The following LRBA variants were observed in gnomAD, a reference collection of about 807,000 sequenced individuals.
LRBA encodes LPS responsive beige-like anchor protein.
In LRBA, 176 loss-of-function variants were observed where a neutral mutation model predicts 330.0. The observed-to-expected ratio is 0.53, with a 90% CI of 0.47 to 0.60. The LOEUF is 0.60. Among genes scored for constraint, LRBA ranks in the 20% least tolerant of loss-of-function variants. The pLI is 0.00. For missense variants in LRBA, 3,259 were observed against 3,444.8 expected, an observed-to-expected ratio of 0.95 and a Z score of 1.35; for synonymous variants, 1,230 against 1,193.0, an observed-to-expected ratio of 1.03 and a Z score of -0.64.
chr4:150,399,409 T>C (rs1745173278), intron 47 of LRBA, among the ~76,000 whole-genome samples: 1 of 152,200 alleles, frequency 6.6e-6, no homozygotes, highest in Admixed American at 6.5e-5. Flanking sequence ...TCTCTTCTGA[T>C]ACTTTTTGAA....
chr4:150,861,069 A>G (rs1323135721), intron 22 of LRBA, among the ~76,000 whole-genome samples: 1 of 152,078 alleles, frequency 6.6e-6, no homozygotes, highest in Non-Finnish European at 1.5e-5. Flanking sequence ...CAATATATGT[A>G]TTTGTGTTAT....
At chr4:150,715,196 T>C (rs954891999) in intron 36 of LRBA, among the ~76,000 whole-genome samples, 5 of 152,160 alleles carry the variant, frequency 3.3e-5, no homozygotes, top group Admixed American at 2.6e-4. Flanking sequence ...AGACCTAAGA[T>C]GTAAACCATT....
chr4:150,889,806 A>G (rs1729292532), intron 17 of LRBA, among the ~76,000 whole-genome samples: 1 of 152,174 alleles, frequency 6.6e-6, no homozygotes. Flanking sequence ...TTGTTATAGC[A>G]GGAAACTAAC....
chr4:150,422,970 G>C (rs1749030362), intron 46 of LRBA: 1 of 781,034 alleles, frequency 1.3e-6, no homozygotes, highest in Admixed American at 1.7e-5. Flanking sequence ...GCCCTGAGAA[G>C]TATTTCTGGT....
intron 29 of LRBA, among the ~76,000 whole-genome samples, chr4:150,831,035 G>T (rs1449835090): frequency 6.6e-6 from 1 of 151,916 alleles, no homozygotes; most frequent in African/African-American, 2.4e-5. Flanking sequence ...AAAGTGCTGG[G>T]ATTACTGGCG....
chr4:150,718,587 T>C (rs943830725), intron 36 of LRBA, among the ~76,000 whole-genome samples: 6 of 152,112 alleles, frequency 3.9e-5, no homozygotes, highest in Admixed American at 2.6e-4. Flanking sequence ...AGAAAAAATA[T>C]ACGTTTGCTC....
At chr4:150,500,782 T>C (rs1002793386) in intron 40 of LRBA, among the ~76,000 whole-genome samples, 7 of 152,230 alleles carry the variant, frequency 4.6e-5, no homozygotes, top group African/African-American at 1.7e-4. Flanking sequence ...TTGCTTTTGT[T>C]CTTTGAACAC....
chr4:150,981,701 C>T (rs1486826355), intron 2 of LRBA, among the ~76,000 whole-genome samples: 1 of 152,134 alleles, frequency 6.6e-6, no homozygotes, highest in Admixed American at 6.5e-5. Flanking sequence ...TGGCTCACAC[C>T]TGTAATCCCA....
At chr4:150,397,719 A>G (rs917114772) in intron 47 of LRBA, among the ~76,000 whole-genome samples, 6 of 152,236 alleles carry the variant, frequency 3.9e-5, no homozygotes, top group Admixed American at 1.3e-4. Context: ...TCCCAGTTCA[A>G]TATTTATGAT....
rs181615159 is a variant in LRBA, at chr4:150,934,373, A to G, written c.217-5308T>C. ...TACTTAAGTAAAAAATAACAGATAC[A>G]ACACATCTGCAGAAAACAATCACAA... On this transcript the variant is annotated intron_variant, in intron 2 of 56. Transcript: ENST00000651943. Among the ~76,000 whole-genome samples the G allele has an allele frequency of 5.0e-4, 76 of 152,248 alleles. 1 individual carries two copies. The highest frequency in any genetic ancestry group is 3.4e-3 in the Admixed American group (52 of 15,298).
intron 22 of LRBA, among the ~76,000 whole-genome samples, chr4:150,867,317 T>C (rs1164070002): frequency 2.0e-5 from 3 of 152,088 alleles, no homozygotes. Context: ...CCCATGTTTG[T>C]AAACAGGGCT....
intron 48 of LRBA, among the ~76,000 whole-genome samples, chr4:150,331,546 G>A (rs756018533): frequency 2.6e-5 from 4 of 152,002 alleles, no homozygotes; most frequent in Non-Finnish European, 1.5e-5. Flanking sequence ...TCTTAAAGTC[G>A]GGTCAATCTA....
intron 31 of LRBA, among the ~76,000 whole-genome samples, chr4:150,814,691 GA>G (rs1044598733): frequency 9.4e-5 from 14 of 149,132 alleles, no homozygotes; most frequent in African/African-American, 9.8e-5. Flanking sequence ...GCTCAAGATG[GA>G]AAAAAAAATT....
At chr4:150,715,433 A>G (rs1786650199) in intron 36 of LRBA, among the ~76,000 whole-genome samples, 1 of 152,228 alleles carries the variant, frequency 6.6e-6, no homozygotes, top group Non-Finnish European at 1.5e-5. Context: ...AAGATGTAAT[A>G]AATAAAATAA....
intron 28 of LRBA, among the ~76,000 whole-genome samples, chr4:150,840,141 G>T (rs1444119877): frequency 6.6e-6 from 1 of 152,182 alleles, no homozygotes; most frequent in Non-Finnish European, 1.5e-5. Context: ...TGGCCTAAGT[G>T]TGCCTGGTTG....
At chr4:150,546,556 A>T (rs747327708) in intron 40 of LRBA, among the ~76,000 whole-genome samples, 1 of 152,074 alleles carries the variant, frequency 6.6e-6, no homozygotes, top group Non-Finnish European at 1.5e-5. Flanking sequence ...TTTAGGCCTC[A>T]CTCAAAATAC....
chr4:150,694,462 C>CAAAAAAAAAAAAAAAAAAAAAA lies in LRBA; in HGVS notation c.5755-10746_5755-10745insTTTTTTTTTTTTTTTTTTTTTT, dbSNP rs58558446. On this transcript the variant is annotated intron_variant, in intron 36 of 56. Coordinates refer to ENST00000651943, the MANE Select transcript of LRBA (RefSeq NM_001364905.1). ...CCTTACCTTAAAGTGTGATCTTTAACAAAAAAAAAAAAAAGCTATCTACAG... is the reference window on the plus strand; with the variant it reads ...CCTTACCTTAAAGTGTGATCTTTAACAAAAAAAAAAAAAAAAAAAAAAAAAAAAAAAAAAAAGCTATCTACAG... Among the ~76,000 whole-genome samples the CAAAAAAAAAAAAAAAAAAAAAA allele has an allele frequency of 3.0e-3, 212 of 70,958 alleles. 29 individuals carry two copies. Among genetic ancestry groups the CAAAAAAAAAAAAAAAAAAAAAA allele is most frequent in the African/African-American group, 8.9e-3 (182 of 20,352 alleles). The allele number at this position is 70,958 out of a possible 152,430, so 46.6% of individuals were successfully genotyped here.
intron 30 of LRBA, among the ~76,000 whole-genome samples, chr4:150,817,893 TAGGCATAACTTAAA>T (rs1470743895): frequency 6.6e-6 from 1 of 152,098 alleles, no homozygotes; most frequent in Non-Finnish European, 1.5e-5. Context: ...AAGACCTTGT[TAGGCATAACTTAAA>T]AGGCATTTTT....
intron 34 of LRBA, among the ~76,000 whole-genome samples, chr4:150,762,608 G>A (rs947754500): frequency 2.2e-4 from 33 of 151,828 alleles, no homozygotes; most frequent in Non-Finnish European, 1.3e-4. Flanking sequence ...AAAAATGCTC[G>A]TGAATGCCAC....
Sources: allele counts gnomAD v4.1 joint callset (sites outside exome capture counted in the v4.1 genomes callset), GRCh38; gene constraint gnomAD v4.1.1; transcripts MANE v1.5; gene names NCBI Gene and HGNC (gene_info 2026-07-23, HGNC 2026-07-21).